The following KMT2C variants were observed in gnomAD, a reference collection of about 807,000 sequenced individuals.
The protein encoded by KMT2C is lysine methyltransferase 2C.
Under a neutral mutation model 507.9 loss-of-function variants are expected in KMT2C, and 88 were observed. That is an observed-to-expected ratio of 0.17 (90% confidence interval 0.15 to 0.21). The LOEUF (loss-of-function observed/expected upper bound fraction) is 0.21, where lower values mean the gene tolerates loss of function less well. KMT2C is among the 10% of genes least tolerant of loss of function. The pLI is 1.00. For synonymous variants in KMT2C, 2,049 were observed against 2,080.8 expected (o/e 0.98, Z 0.42); for missense variants, 4,954 against 5,957.8 (o/e 0.83, Z 5.55).
In KMT2C at chr7:152,248,519, C is replaced by T. The variant is rs560300409; in HGVS notation, c.1915G>A (p.Gly639Ser). ...KMSSEVKHICGEDQIEDKMEV... is the reference protein window; with the variant it reads ...KMSSEVKHICSEDQIEDKMEV... The stretch of plus-strand genomic sequence containing the variant: ...ATTTTATCTTCAATTTGATCTTCGC[C>T]ACAAATATGCTTCACTTCAGAAGAC... The change falls in exon 14 of 59, where the codon GGC (glycine) becomes AGC (serine). Residue 639 changes from glycine (G) to serine (S), a missense_variant. Transcript: ENST00000262189. The T allele has an allele frequency of 3.7e-6, 6 of 1,613,864 alleles. No homozygotes were observed. The highest frequency in any genetic ancestry group is 5.1e-6 in the Non-Finnish European group (6 of 1,179,872).
chr7:152,153,021 C>G (rs1193064161), intron 48 of KMT2C, 67 bp from the exon 49 acceptor site: 1 of 1,563,324 alleles, frequency 6.4e-7, no homozygotes, highest in Non-Finnish European at 8.8e-7. Context: ...AAGAAAAATA[C>G]ACACTTAGGA....
chr7:152,347,586 T>A (rs1000488426), intron 2 of KMT2C, among the ~76,000 whole-genome samples: 10 of 152,244 alleles, frequency 6.6e-5, no homozygotes, highest in African/African-American at 2.4e-4. Flanking sequence ...CAGTATGTAC[T>A]ACAGTAAATT....
Position 152,224,127 on chromosome 7 carries a change from A to G in KMT2C, c.3211T>C (p.Trp1071Arg). 1 of 1,608,414 alleles carries G rather than the reference A, an allele frequency of 6.2e-7. No homozygotes were observed. The highest frequency in any genetic ancestry group is 8.5e-7 in the Non-Finnish European group (1 of 1,176,564). ...GATSAGLRCE[W>R]QNNYTQCAPC... ...GCGCACTGTGTGTAATTGTTCTGCC[A>G]TTCACATCTTAGACCTGCAGATGTT... is the stretch of plus-strand genomic sequence containing the variant. Residue 1071 changes from tryptophan (W) to arginine (R), a missense_variant, in exon 20 of 59, where the codon TGG becomes CGG. Coordinates refer to ENST00000262189, the MANE Select transcript of KMT2C (RefSeq NM_170606.3).
At chr7:152,141,681 C>A (rs2090563625) in intron 55 of KMT2C, among the ~76,000 whole-genome samples, 1 of 148,340 alleles carries the variant, frequency 6.7e-6, no homozygotes, top group Non-Finnish European at 1.5e-5. Flanking sequence ...CCACTGCACT[C>A]CAGCCTGGGT....
Position 152,149,048 on chromosome 7 carries a change from G to A in KMT2C, c.12879C>T (p.Pro4293=), listed in dbSNP as rs761149000. The A allele has an allele frequency of 4.6e-6, 7 of 1,532,002 alleles. No homozygotes were observed. The highest frequency in any genetic ancestry group is 4.5e-5 in the East Asian group (2 of 44,386). 94.9% of individuals were successfully genotyped at this position (1,532,002 alleles called of 1,614,324 possible). A position where few individuals can be genotyped will look rare whatever the true frequency, so the allele number is the denominator to read the frequency against. The change falls in exon 52 of 59, where the codon CCC becomes CCT. Residue 4293 remains proline (P), a synonymous_variant. Transcript: ENST00000262189. ...GGGGAGAAGCTTTCTCTGGGAGCTG[G>A]GGGAGACAGTGCACATCCAAAGTGG... ...NISTLDVHCL[P]QLPEKASPPA...
intron 1 of KMT2C, among the ~76,000 whole-genome samples, chr7:152,380,305 C>A (rs2097362428): frequency 1.3e-5 from 2 of 151,732 alleles, no homozygotes; most frequent in Non-Finnish European, 2.9e-5. Flanking sequence ...CAGTGGCTCA[C>A]ACCTATAATC....
chr7:152,228,063 T>C (rs182660954), intron 18 of KMT2C, among the ~76,000 whole-genome samples: 1 of 152,364 alleles, frequency 6.6e-6, no homozygotes, highest in African/African-American at 2.4e-5. Context: ...TTGCCTTTTT[T>C]CACTTTAATT....
intron 2 of KMT2C, among the ~76,000 whole-genome samples, chr7:152,338,240 CATTT>C (rs767528995): frequency 2.0e-5 from 3 of 152,084 alleles, no homozygotes; most frequent in Non-Finnish European, 4.4e-5. Context: ...ATAAAGAAGA[CATTT>C]ATTTAGCCCC....
At chr7:152,234,948 T>C (rs2095234743) in intron 16 of KMT2C, among the ~76,000 whole-genome samples, 1 of 152,014 alleles carries the variant, frequency 6.6e-6, no homozygotes, top group Non-Finnish European at 1.5e-5. Context: ...GTTTTATTAA[T>C]ACTCAGCAAG....
rs751948071 is a variant in KMT2C, at chr7:152,144,707, C to A, written c.14343+6G>T. The A allele has an allele frequency of 3.1e-6, 5 of 1,612,040 alleles. No individual in the cohort carries two copies. The highest frequency in any genetic ancestry group is 4.2e-6 in the Non-Finnish European group (5 of 1,178,498). ...TCCACTTCCTGTACACAAAGTATTT[C>A]TTCACCTGAATCCGAGACCGTGCCA... On this transcript the variant is annotated splice_donor_region_variant and intron_variant, in intron 55 of 58. Transcript: ENST00000262189. The surrounding 1 kb of genome is among the most constrained non-coding windows in gnomAD (Gnocchi z 4.4).
At chr7:152,382,098 C>T (rs1415805506) in intron 1 of KMT2C, among the ~76,000 whole-genome samples, 1 of 152,240 alleles carries the variant, frequency 6.6e-6, no homozygotes, top group African/African-American at 2.4e-5. Flanking sequence ...AGCTACAATC[C>T]ACTTTTCCAA....
rs1009969883 is a variant in KMT2C, at chr7:152,259,448, A to ACACACACG, written c.1299+3567_1299+3568insCGTGTGTG. ...CAAAAACACAGACACACACACGCGC[A>ACACACACG]CACACACACACACACACACACACAC... is the stretch of plus-strand genomic sequence containing the variant. On this transcript the variant is annotated intron_variant, in intron 9 of 58. Transcript: ENST00000262189. Among the ~76,000 whole-genome samples, 195 of 57,408 alleles carry ACACACACG rather than the reference A, an allele frequency of 3.4e-3. 2 individuals are homozygous for ACACACACG. The highest frequency in any genetic ancestry group is 0.011 in the African/African-American group (189 of 16,570). 37.7% of individuals were successfully genotyped at this position (57,408 alleles called of 152,430 possible).
rs370798301 is a variant in KMT2C, at chr7:152,276,739, G to C, written c.850-2872C>G. On this transcript the variant is annotated intron_variant, in intron 6 of 58. Transcript: ENST00000262189. ...CTGCACTCTAGCCTGGGAAACAAAA[G>C]TGAGAACCAGTCTATAAAATTCAAA... Among the ~76,000 whole-genome samples the C allele has an allele frequency of 8.1e-3, 1,229 of 151,214 alleles. 19 individuals are homozygous for C. Among genetic ancestry groups the C allele is most frequent in the African/African-American group, 0.029 (1,185 of 41,134 alleles).
chr7:152,211,116 G>T (rs1333230070), intron 23 of KMT2C, among the ~76,000 whole-genome samples: 1 of 152,114 alleles, frequency 6.6e-6, no homozygotes, highest in Admixed American at 6.5e-5. Context: ...AGAACACTGA[G>T]GACAAAGAAT....
At position 152,435,752 on chromosome 7, in the gene KMT2C, G is replaced by C. The variant is rs1427808282; in HGVS notation, c.35C>G (p.Pro12Arg). 6.6e-7 allele frequency: 1 copy of C among 1,518,924 alleles called. No individual in the cohort carries two copies. The highest frequency in any genetic ancestry group is 8.8e-7 in the Non-Finnish European group (1 of 1,131,682). 94.1% of individuals were successfully genotyped at this position (1,518,924 alleles called of 1,614,324 possible). A position where few individuals can be genotyped will look rare whatever the true frequency, so the allele number is the denominator to read the frequency against. The part of the protein sequence containing the change: ...SSEEDKSVEQ[P>R]QPPPPPPEEP... ...CTCGGGGGGTGGTGGCGGCGGCTGC[G>C]GCTGCTCCACGCTCTTGTCCTCCTC... The change falls in exon 1 of 59, where the codon CCG (proline) becomes CGG (arginine). Residue 12 changes from proline to arginine, a missense_variant. This residue lies in a region of KMT2C where 51 missense variants were observed against 43.5 expected (regional missense o/e 1.17). Coordinates refer to ENST00000262189, the MANE Select transcript of KMT2C (RefSeq NM_170606.3).
At chr7:152,215,798 CTG>C (rs2094569147) in intron 23 of KMT2C, among the ~76,000 whole-genome samples, 1 of 151,728 alleles carries the variant, frequency 6.6e-6, no homozygotes, top group Non-Finnish European at 1.5e-5. Context: ...CAAGAAACCT[CTG>C]AGGTTTCTGG....
At chr7:152,195,235 G>A (rs1285203060) in intron 28 of KMT2C, among the ~76,000 whole-genome samples, 1 of 151,936 alleles carries the variant, frequency 6.6e-6, no homozygotes, top group Admixed American at 6.6e-5. Context: ...GTTCTTATTT[G>A]ATCTTATATT....
rs965153954 is a variant in KMT2C at position 152,144,920 on chromosome 7, G to C, written c.14175-39C>G. On this transcript the variant is annotated intron_variant, in intron 54 of 58. Transcript: ENST00000262189. This position sits in a 1 kb window ranked among gnomAD's most constrained non-coding sequence, Gnocchi z 4.4. ...CATATCAACAGGAAAAAAATACAAG[G>C]AAAACTGAAGATACCTCTGAGTAAT... is the stretch of plus-strand genomic sequence containing the variant. 1.3e-6 allele frequency: 2 copies of C among 1,565,466 alleles called. No individual in the cohort carries two copies. Among genetic ancestry groups the C allele is most frequent in the Non-Finnish European group, 1.7e-6 (2 of 1,149,638 alleles).
chr7:152,164,127 T>C (rs2129104903), intron 42 of KMT2C, among the ~76,000 whole-genome samples: 1 of 152,274 alleles, frequency 6.6e-6, no homozygotes, highest in South Asian at 2.1e-4. Flanking sequence ...TCATATATAC[T>C]ATTTATACTA....
Sources: allele counts gnomAD v4.1 joint callset (sites outside exome capture counted in the v4.1 genomes callset), GRCh38; gene constraint gnomAD v4.1.1; regional missense constraint gnomAD v4.1.1; non-coding constraint Gnocchi (gnomAD v3.1); transcripts MANE v1.5; gene names NCBI Gene and HGNC (gene_info 2026-07-23, HGNC 2026-07-21).